The following RAD51D variants were observed in gnomAD, a reference collection of about 807,000 sequenced individuals.
RAD51D encodes the protein RAD51 paralog D.
A neutral mutation model predicts 44.1 loss-of-function variants in RAD51D; 38 were observed. The ratio of observed to expected loss-of-function variants is 0.86; its 90% confidence interval spans 0.67 to 1.13. RAD51D has a LOEUF of 1.13. Ranked by LOEUF, RAD51D falls within the 50% of genes most tolerant of loss-of-function variation. The pLI is 0.00. For synonymous variants in RAD51D, 141 were observed against 166.6 expected (o/e 0.85, Z 1.18); for missense variants, 390 against 414.0 (o/e 0.94, Z 0.50).
At position 35,097,705 on chromosome 17, in the gene RAD51D, C is replaced by A. The variant is rs1381834090; in HGVS notation, c.*3248G>T. ...TTAAAACATCATTCATCTATTTAAT[C>A]ATTACTGAGCTTCCATAATGTATAA... On this transcript the variant is annotated 3_prime_UTR_variant, in exon 10 of 10. Coordinates refer to ENST00000345365, the MANE Select transcript of RAD51D (RefSeq NM_002878.4). 1 of 152,078 alleles carries A rather than the reference C, an allele frequency of 6.6e-6. No individual in the cohort carries two copies. Among genetic ancestry groups the A allele is most frequent in the Non-Finnish European group, 1.5e-5 (1 of 68,008 alleles). 9.4% of individuals were successfully genotyped at this position (152,078 alleles called of 1,614,324 possible).
At chr17:35,117,531 C>G (rs1310252996) in intron 3 of RAD51D, among the ~76,000 whole-genome samples, 1 of 152,164 alleles carries the variant, frequency 6.6e-6, no homozygotes, top group East Asian at 1.9e-4. Flanking sequence ...GCTCTGCCAC[C>G]AAGGCTGGAG....
intron 6 of RAD51D, 186 bp downstream of exon 6, chr17:35,106,200 T>C (rs781309719): frequency 4.1e-6 from 3 of 737,190 alleles, no homozygotes; most frequent in East Asian, 2.6e-5. Flanking sequence ...GCAGGGAAGA[T>C]GAACATGTAA....
Position 35,107,033 on chromosome 17 carries a change from G to A in RAD51D, c.435C>T (p.Arg145=), listed in dbSNP as rs1326314397. The change falls in exon 5 of 10, where the codon CGC becomes CGT. Residue 145 remains arginine (R), a synonymous_variant. Transcript: ENST00000345365. ...VDSNGGLTAS[R]LLQLLQAKTQ... is the part of the protein sequence containing the mutation. The stretch of plus-strand genomic sequence containing the variant: ...TTTTAGCCTGAAGCAGCTGGAGGAG[G>A]CGGGAAGCTGTCAGCCCTCCATTGG... The A allele has an allele frequency of 6.2e-7, 1 of 1,614,162 alleles. No homozygotes were observed. Among genetic ancestry groups the A allele is most frequent in the East Asian group, 2.2e-5 (1 of 44,876 alleles).
intron 3 of RAD51D, among the ~76,000 whole-genome samples, chr17:35,112,848 G>C (rs530329593): frequency 6.6e-6 from 1 of 152,170 alleles, no homozygotes. Context: ...GAGCACCATG[G>C]GGCAAGGACT....
intron 3 of RAD51D, among the ~76,000 whole-genome samples, chr17:35,115,957 GA>G (rs1567733632): frequency 4.2e-3 from 8 of 1,890 alleles, no homozygotes; most frequent in East Asian, 0.026. Context: ...AGGAAGAAAG[GA>G]AAGAAAGAAA....
chr17:35,102,803 T>C (rs1029628441), intron 8 of RAD51D, among the ~76,000 whole-genome samples: 1 of 152,068 alleles, frequency 6.6e-6, no homozygotes, highest in Non-Finnish European at 1.5e-5. Flanking sequence ...ATGCAGACTT[T>C]AAAAAAACTA....
rs1057522424 is a variant in RAD51D at position 35,107,435 on chromosome 17, C to G, written c.276G>C (p.Leu92=). 1.3e-6 allele frequency: 2 copies of G among 1,554,078 alleles called. No homozygotes were observed. Among genetic ancestry groups the G allele is most frequent in the Non-Finnish European group, 1.8e-6 (2 of 1,125,592 alleles). ...LSTGIGSLDK[L]LDAGLYTGEV... ...CTCCAGTATAGAGACCAGCATCAAGCAGTTTATCAAGACTGATGGCAGAAG... is the reference window on the plus strand; with the variant it reads ...CTCCAGTATAGAGACCAGCATCAAGGAGTTTATCAAGACTGATGGCAGAAG... Residue 92 remains leucine, a synonymous_variant, in exon 4 of 10, where the codon CTG becomes CTC. Transcript: ENST00000345365.
At chr17:35,118,868 G>C (rs555157021) in intron 2 of RAD51D, among the ~76,000 whole-genome samples, 1 of 152,136 alleles carries the variant, frequency 6.6e-6, no homozygotes, top group Non-Finnish European at 1.5e-5. Flanking sequence ...TCAGCCTCCC[G>C]AGTAGCTGGG....
In RAD51D at chr17:35,094,106, T is replaced by C. The variant is rs1375459549; in HGVS notation, c.*6847A>G. 3 of 152,404 alleles carry C rather than the reference T, an allele frequency of 2.0e-5. No individual in the cohort carries two copies. The highest frequency in any genetic ancestry group is 2.9e-5 in the Non-Finnish European group (2 of 68,246). 9.4% of individuals were successfully genotyped at this position (152,404 alleles called of 1,614,324 possible). ...TCTCAGGGATGCATAGGCCCTGTTTTGTTTTGTTTTTTTGAGATGGAGTCT... is the reference window on the plus strand; with the variant it reads ...TCTCAGGGATGCATAGGCCCTGTTTCGTTTTGTTTTTTTGAGATGGAGTCT... On this transcript the variant is annotated 3_prime_UTR_variant, in exon 10 of 10. Coordinates refer to ENST00000345365, the MANE Select transcript of RAD51D (RefSeq NM_002878.4).
intron 6 of RAD51D, among the ~76,000 whole-genome samples, chr17:35,104,198 C>T (rs1223076270): frequency 6.6e-6 from 1 of 152,186 alleles, no homozygotes; most frequent in African/African-American, 2.4e-5. Context: ...CTCCTGTGTC[C>T]AGCCTCCCAC....
In RAD51D at chr17:35,103,480, G is replaced by A. The variant is rs910355512; in HGVS notation, c.641C>T (p.Pro214Leu). ...TTCCCTCTGCTGACCTCCCAGAAGTGGGGAAACCACCGCAGTGACCGAGTC... is the reference window on the plus strand; with the variant it reads ...TTCCCTCTGCTGACCTCCCAGAAGTAGGGAAACCACCGCAGTGACCGAGTC... The part of the protein sequence containing the change: ...VVDSVTAVVS[P>L]LLGGQQREGL... Residue 214 changes from proline (P) to leucine (L), a missense_variant, in exon 7 of 10, where the codon CCA becomes CTA. Pro to Leu is a moderately conservative substitution (Grantham distance 98). Coordinates refer to ENST00000345365, the MANE Select transcript of RAD51D (RefSeq NM_002878.4). This position sits in a 1 kb window ranked among gnomAD's most constrained non-coding sequence, Gnocchi z 4.1. The A allele has an allele frequency of 1.2e-6, 2 of 1,614,084 alleles. No individual in the cohort carries two copies. The highest frequency in any genetic ancestry group is 1.7e-6 in the Non-Finnish European group (2 of 1,180,012).
chr17:35,109,345 A>G (rs539897313), intron 3 of RAD51D, among the ~76,000 whole-genome samples: 161 of 152,362 alleles, frequency 1.1e-3, no homozygotes, highest in African/African-American at 3.8e-3. Context: ...GGGCTACTAT[A>G]AATAAAACTG....
intron 3 of RAD51D, among the ~76,000 whole-genome samples, chr17:35,112,145 T>C (rs2091685793): frequency 6.6e-6 from 1 of 152,246 alleles, no homozygotes; most frequent in African/African-American, 2.4e-5. Flanking sequence ...TGGCGCAATC[T>C]TGGCTCACTG....
intron 3 of RAD51D, among the ~76,000 whole-genome samples, chr17:35,109,264 C>A (rs2091647749): frequency 1.3e-5 from 2 of 152,166 alleles, no homozygotes; most frequent in Non-Finnish European, 2.9e-5. Flanking sequence ...AAAAAGTATT[C>A]CATGGTATGG....
Position 35,119,565 on chromosome 17 carries a change from T to C in RAD51D, c.49A>G (p.Ile17Val), listed in dbSNP as rs1002032036. ...ATCCTGTGGCTCCTGAGAAGCTGGATCATCTCCTCGGTAAGGCCAGGGCAC... is the reference window on the plus strand; with the variant it reads ...ATCCTGTGGCTCCTGAGAAGCTGGACCATCTCCTCGGTAAGGCCAGGGCAC... ...GLCPGLTEEM[I>V]QLLRSHRIKT... Residue 17 changes from isoleucine to valine, a missense_variant, in exon 1 of 10, where the codon ATC (isoleucine) becomes GTC (valine). By Grantham distance (29) the Ile-to-Val change is conservative. Transcript: ENST00000345365. 13 of 1,612,670 alleles carry C rather than the reference T, an allele frequency of 8.1e-6. No homozygotes were observed. The highest frequency in any genetic ancestry group is 1.7e-5 in the Admixed American group (1 of 60,000).
chr17:35,100,757 C>G lies in RAD51D; in HGVS notation c.*196G>C. The G allele has an allele frequency of 1.4e-6, 1 of 690,030 alleles. No individual in the cohort carries two copies. The highest frequency in any genetic ancestry group is 1.5e-5 in the South Asian group (1 of 66,442). The allele number at this position is 690,030 out of a possible 1,614,324, so 42.7% of individuals were successfully genotyped here. ...ACCAGTATGAATTTCTGGGTCCTCG[C>G]AATGCAGCATCCTCTTTCGCCTGTG... On this transcript the variant is annotated 3_prime_UTR_variant, in exon 10 of 10. Transcript: ENST00000345365.
Position 35,100,044 on chromosome 17 carries a change from C to A in RAD51D, c.*909G>T. 1.9e-6 allele frequency: 1 copy of A among 532,342 alleles called. No individual in the cohort carries two copies. The highest frequency in any genetic ancestry group is 3.6e-6 in the Non-Finnish European group (1 of 275,140). 33.0% of individuals were successfully genotyped at this position (532,342 alleles called of 1,614,324 possible). A position where few individuals can be genotyped will look rare whatever the true frequency, so the allele number is the denominator to read the frequency against. On this transcript the variant is annotated 3_prime_UTR_variant, in exon 10 of 10. Coordinates refer to ENST00000345365, the MANE Select transcript of RAD51D (RefSeq NM_002878.4). ...TTATTTACGTCAGCATCAATTTTCC[C>A]AGCTGGCTCTATTTACTGTGCAAAT...
chr17:35,114,531 T>A (rs577479000), intron 3 of RAD51D, among the ~76,000 whole-genome samples: 73 of 147,494 alleles, frequency 4.9e-4, no homozygotes, highest in African/African-American at 9.8e-4. Context: ...AAAAAAAAAA[T>A]TTTTTTTAAT....
At chr17:35,110,807 A>AT (rs973825129) in intron 3 of RAD51D, among the ~76,000 whole-genome samples, 2 of 152,144 alleles carry the variant, frequency 1.3e-5, no homozygotes, top group African/African-American at 4.8e-5. Flanking sequence ...CCCTGTCTCT[A>AT]TAAAAAAAAT....
Sources: allele counts gnomAD v4.1 joint callset (sites outside exome capture counted in the v4.1 genomes callset), GRCh38; gene constraint gnomAD v4.1.1; non-coding constraint Gnocchi (gnomAD v3.1); transcripts MANE v1.5; gene names NCBI Gene and HGNC (gene_info 2026-07-23, HGNC 2026-07-21).